Variants in EYS observed in about 807,000 individuals in gnomAD.
The protein encoded by EYS is protein eyes shut homolog.
EYS carries 250 observed loss-of-function variants against 282.1 expected under a neutral mutation model. The ratio of observed to expected loss-of-function variants is 0.89; its 90% confidence interval spans 0.80 to 0.98. EYS has a LOEUF of 0.98. EYS is among the 50% of genes least tolerant of loss of function. EYS has a pLI of 0.00. For missense variants in EYS, 4,016 were observed against 3,709.0 expected, an observed-to-expected ratio of 1.08 and a Z score of -2.15; for synonymous variants, 1,355 against 1,282.9, an observed-to-expected ratio of 1.06 and a Z score of -1.20.
chr6:63,777,934 G>C, intron 40 of EYS, 72 bp downstream of exon 40: 1 of 1,325,022 alleles, frequency 7.5e-7, no homozygotes, highest in South Asian at 1.3e-5. Flanking sequence ...TGTACAAGTG[G>C]AATGACAGAG....
intron 31 of EYS, among the ~76,000 whole-genome samples, chr6:64,176,802 G>T (rs1483523392): frequency 6.6e-6 from 1 of 151,858 alleles, no homozygotes; most frequent in East Asian, 1.9e-4. Context: ...AATTGTTTGA[G>T]GTTCTCTGTT....
chr6:64,383,458 G>T (rs918565489), intron 29 of EYS, among the ~76,000 whole-genome samples: 1 of 152,250 alleles, frequency 6.6e-6, no homozygotes, highest in Non-Finnish European at 1.5e-5. Flanking sequence ...GCCCTCAGCA[G>T]AATAGACACC....
rs1043479820 is a variant in EYS at position 64,762,688 on chromosome 6, C to A, written c.3443+50690G>T. 3.3e-5 allele frequency among the ~76,000 whole-genome samples: 5 copies of A among 152,076 alleles called. No homozygotes were observed. In the East Asian group the frequency reaches 9.6e-4, roughly 29 times the overall value. On this transcript the variant is annotated intron_variant, in intron 22 of 42. Transcript: ENST00000503581. ...GAATGTAAACACACACACATGCACA[C>A]ACACACACACACTCACAACCATGGT...
chr6:64,833,926 C>G (rs558452102), intron 19 of EYS, among the ~76,000 whole-genome samples: 10 of 151,882 alleles, frequency 6.6e-5, no homozygotes, highest in Non-Finnish European at 1.3e-4. Context: ...GACAACTCTA[C>G]CAAGTAACTG....
chr6:64,514,456 G>A (rs1292610149), intron 26 of EYS, among the ~76,000 whole-genome samples: 1 of 151,840 alleles, frequency 6.6e-6, no homozygotes, highest in Non-Finnish European at 1.5e-5. Context: ...GCCGGGCCAT[G>A]GCCTTGTGAC....
intron 1 of EYS, 119 bp from the exon 2 acceptor site, chr6:65,640,011 G>C (rs1278895942): frequency 2.6e-5 from 4 of 152,090 alleles, no homozygotes; most frequent in African/African-American, 9.7e-5. Flanking sequence ...CCAGTATCCT[G>C]CCTTTAGCTA....
intron 34 of EYS, among the ~76,000 whole-genome samples, chr6:63,995,210 C>T (rs1163194527): frequency 6.6e-6 from 1 of 151,716 alleles, no homozygotes; most frequent in Admixed American, 6.6e-5. Context: ...CAAACAAAAC[C>T]CCAGTATAAC....
chr6:64,219,457 C>T (rs1021932427), intron 31 of EYS, among the ~76,000 whole-genome samples: 1 of 152,188 alleles, frequency 6.6e-6, no homozygotes, highest in African/African-American at 2.4e-5. Flanking sequence ...GAATGCATTA[C>T]TATCTCAATA....
intron 12 of EYS, among the ~76,000 whole-genome samples, chr6:65,236,165 T>C (rs1484011581): frequency 1.3e-5 from 2 of 152,158 alleles, no homozygotes; most frequent in Non-Finnish European, 2.9e-5. Flanking sequence ...GGGAAAAATA[T>C]CTTGAGGATC....
At chr6:64,364,921 A>G (rs946126859) in intron 29 of EYS, among the ~76,000 whole-genome samples, 2 of 151,954 alleles carry the variant, frequency 1.3e-5, no homozygotes, top group African/African-American at 4.8e-5. Flanking sequence ...TAACCTGTAT[A>G]ATTAGTAAAA....
intron 35 of EYS, among the ~76,000 whole-genome samples, chr6:63,888,319 C>A (rs1344334804): frequency 6.6e-6 from 1 of 152,242 alleles, no homozygotes; most frequent in Non-Finnish European, 1.5e-5. Context: ...CAAATGGGTC[C>A]TTGACCCCTG....
intron 26 of EYS, among the ~76,000 whole-genome samples, chr6:64,519,129 T>G (rs1283841840): frequency 1.3e-5 from 2 of 151,704 alleles, no homozygotes; most frequent in African/African-American, 4.8e-5. Context: ...GGTAGGTGTT[T>G]GAGTGAGCAA....
At chr6:64,406,406 A>C (rs1010073257) in intron 28 of EYS, among the ~76,000 whole-genome samples, 1 of 152,172 alleles carries the variant, frequency 6.6e-6, no homozygotes, top group Non-Finnish European at 1.5e-5. Flanking sequence ...GCATGGGCAA[A>C]GACTTCATGA....
intron 5 of EYS, among the ~76,000 whole-genome samples, chr6:65,462,375 C>T (rs939539663): frequency 2.6e-5 from 4 of 151,650 alleles, no homozygotes; most frequent in Non-Finnish European, 5.9e-5. Context: ...GTTTTGTATC[C>T]TAATTATAAC....
chr6:65,438,626 TC>T (rs1259224628), intron 5 of EYS, among the ~76,000 whole-genome samples: 27 of 152,290 alleles, frequency 1.8e-4, no homozygotes, highest in African/African-American at 6.5e-4. Context: ...AGCATTTTTT[TC>T]ATGTGTCTGT....
At chr6:64,609,656 G>C (rs1164789350) in intron 24 of EYS, among the ~76,000 whole-genome samples, 1 of 152,112 alleles carries the variant, frequency 6.6e-6, no homozygotes, top group Non-Finnish European at 1.5e-5. Flanking sequence ...GGCTGAAGCA[G>C]GACGGGTGCT....
At chr6:64,657,723 A>C (rs1040918029) in intron 22 of EYS, among the ~76,000 whole-genome samples, 3 of 152,118 alleles carry the variant, frequency 2.0e-5, no homozygotes, top group East Asian at 3.9e-4. Flanking sequence ...CCGAGAGATC[A>C]GCTGTTAGTC....
chr6:64,678,755 C>T lies in EYS; in HGVS notation c.3444-52510G>A, dbSNP rs961569025. Among the ~76,000 whole-genome samples, 6 of 151,744 alleles carry T rather than the reference C, an allele frequency of 4.0e-5. No individual in the cohort carries two copies. In the South Asian group the frequency reaches 1.0e-3, roughly 26 times the overall value. ...ATCCCAGCACTTTGGGAGGCCGAGGCGGGTGGATCAATTGAGGTCTGGTGT... is the reference window on the plus strand; with the variant it reads ...ATCCCAGCACTTTGGGAGGCCGAGGTGGGTGGATCAATTGAGGTCTGGTGT... On this transcript the variant is annotated intron_variant, in intron 22 of 42. Transcript: ENST00000503581.
chr6:64,075,560 T>C (rs1380011400), intron 32 of EYS, among the ~76,000 whole-genome samples: 1 of 151,936 alleles, frequency 6.6e-6, no homozygotes, highest in African/African-American at 2.4e-5. Context: ...ATTTCACCAA[T>C]TGTCTGTTTT....
Sources: gnomAD v4.1 joint callset for allele counts (sites outside exome capture counted in the v4.1 genomes callset) on GRCh38, gnomAD v4.1.1 for gene constraint, MANE v1.5 for transcripts, NCBI Gene and HGNC (gene_info 2026-07-23, HGNC 2026-07-21) for gene names.